BRINP2: variants seen among roughly 807,000 people sequenced by gnomAD.
BRINP2 encodes BMP/retinoic acid inducible neural specific 2.
Under a neutral mutation model 69.2 loss-of-function variants are expected in BRINP2, and 21 were observed. The ratio of observed to expected loss-of-function variants is 0.30; its 90% confidence interval spans 0.22 to 0.44. The LOEUF (loss-of-function observed/expected upper bound fraction) is 0.44. Ranked by LOEUF, BRINP2 falls within the 20% of genes least tolerant of loss-of-function variation. The pLI, the probability that BRINP2 is intolerant of heterozygous loss-of-function variation, is 1.00. For synonymous variants in BRINP2, 380 were observed against 394.1 expected (o/e 0.96, Z 0.42); for missense variants, 877 against 986.0 (o/e 0.89, Z 1.48).
intron 2 of BRINP2, among the ~76,000 whole-genome samples, chr1:177,247,348 C>T (rs1650418247): frequency 6.6e-6 from 1 of 152,214 alleles, no homozygotes; most frequent in Admixed American, 6.5e-5. Flanking sequence ...AGAACAAAGA[C>T]AGTTGAACTT....
chr1:177,264,473 G>A (rs771383898), intron 4 of BRINP2, among the ~76,000 whole-genome samples: 2 of 152,174 alleles, frequency 1.3e-5, no homozygotes, highest in Non-Finnish European at 2.9e-5. Flanking sequence ...TAAGGCAAGG[G>A]AAAGAAATAA....
intron 1 of BRINP2, among the ~76,000 whole-genome samples, chr1:177,209,431 C>T (rs1021153031): frequency 1.3e-5 from 2 of 152,090 alleles, no homozygotes; most frequent in Non-Finnish European, 2.9e-5. Flanking sequence ...GAATCACCAG[C>T]ACCAGTTCCA....
At chr1:177,267,814 T>C (rs1651175231) in intron 4 of BRINP2, among the ~76,000 whole-genome samples, 1 of 152,174 alleles carries the variant, frequency 6.6e-6, no homozygotes, top group Non-Finnish European at 1.5e-5. Context: ...TAATGCACTT[T>C]CCAGAATTAG....
intron 2 of BRINP2, among the ~76,000 whole-genome samples, chr1:177,249,716 GA>G (rs1490131154): frequency 6.6e-6 from 1 of 152,150 alleles, no homozygotes; most frequent in African/African-American, 2.4e-5. Context: ...TTACTGGGGG[GA>G]AAAGCTGCTA....
chr1:177,212,567 G>T lies in BRINP2; in HGVS notation c.-76-17234G>T, dbSNP rs180765531. On this transcript the variant is annotated intron_variant, in intron 1 of 7. Coordinates refer to ENST00000361539, the MANE Select transcript of BRINP2 (RefSeq NM_021165.4). The stretch of plus-strand genomic sequence containing the variant: ...CTCAAAAAAAAAAAAAAATTTATTG[G>T]TGTGCTGGAGTTGGTTTCACACTAG... 1.7e-3 allele frequency among the ~76,000 whole-genome samples: 258 copies of T among 152,138 alleles called. 1 individual carries two copies. Among genetic ancestry groups the T allele is most frequent in the Admixed American group, 2.8e-3 (43 of 15,280 alleles).
chr1:177,220,447 C>T (rs1019580263), intron 1 of BRINP2, among the ~76,000 whole-genome samples: 4 of 152,062 alleles, frequency 2.6e-5, no homozygotes, highest in Non-Finnish European at 5.9e-5. Context: ...CCCCACCTCT[C>T]TCTCTCTCTC....
intron 1 of BRINP2, among the ~76,000 whole-genome samples, chr1:177,182,636 G>T (rs1469481586): frequency 6.6e-6 from 1 of 152,182 alleles, no homozygotes; most frequent in Non-Finnish European, 1.5e-5. Flanking sequence ...GCAATATCAT[G>T]TCTTTAGAAG....
chr1:177,259,807 T>G (rs1390074052), intron 4 of BRINP2, among the ~76,000 whole-genome samples: 10 of 152,114 alleles, frequency 6.6e-5, no homozygotes, highest in Non-Finnish European at 1.5e-5. Flanking sequence ...GACCTACTAC[T>G]CAGAAAAAAA....
intron 2 of BRINP2, among the ~76,000 whole-genome samples, chr1:177,231,897 C>G (rs1209978751): frequency 6.6e-6 from 1 of 151,610 alleles, no homozygotes; most frequent in Non-Finnish European, 1.5e-5. Context: ...CAGTAAACAC[C>G]TAAGAATCTC....
At chr1:177,256,560 T>A (rs1650765319) in intron 3 of BRINP2, 5 of 985,324 alleles carry the variant, frequency 5.1e-6, no homozygotes, top group Non-Finnish European at 4.8e-6. Context: ...TCTGGGCTGA[T>A]GAATCATCCT....
chr1:177,281,687 A>AG lies in BRINP2; in HGVS notation c.*160dup, dbSNP rs1340098826. ...AGGCTCGAGCTGAAGCAGGCGAGAG[A>AG]GAAACAGCTACTGCGTGCGTGCGCG... On this transcript the variant is annotated 3_prime_UTR_variant, in exon 8 of 8. Transcript: ENST00000361539. 23 of 933,854 alleles carry AG rather than the reference A, an allele frequency of 2.5e-5. No individual in the cohort carries two copies. Among genetic ancestry groups the AG allele is most frequent in the Admixed American group, 1.4e-4 (5 of 36,800 alleles). 57.8% of individuals were successfully genotyped at this position (933,854 alleles called of 1,614,324 possible).
At chr1:177,222,118 T>G (rs1649555759) in intron 1 of BRINP2, among the ~76,000 whole-genome samples, 1 of 152,212 alleles carries the variant, frequency 6.6e-6, no homozygotes, top group Admixed American at 6.5e-5. Flanking sequence ...GAAACGCCTT[T>G]TAACAGAAAT....
At chr1:177,218,435 T>A (rs1394038491) in intron 1 of BRINP2, among the ~76,000 whole-genome samples, 1 of 152,102 alleles carries the variant, frequency 6.6e-6, no homozygotes, top group Non-Finnish European at 1.5e-5. Flanking sequence ...TGCACTGAGC[T>A]TTTACCAAAA....
chr1:177,251,413 A>G (rs1483217419), intron 2 of BRINP2, among the ~76,000 whole-genome samples: 1 of 152,260 alleles, frequency 6.6e-6, no homozygotes, highest in African/African-American at 2.4e-5. Flanking sequence ...AATGAAATAC[A>G]CTTAACATTT....
chr1:177,232,897 A>T (rs1005848766), intron 2 of BRINP2, among the ~76,000 whole-genome samples: 9 of 152,188 alleles, frequency 5.9e-5, no homozygotes, highest in Non-Finnish European at 1.3e-4. Context: ...CATGGAAATC[A>T]GATAGTAGCC....
At chr1:177,238,969 G>A (rs1337523447) in intron 2 of BRINP2, among the ~76,000 whole-genome samples, 1 of 152,100 alleles carries the variant, frequency 6.6e-6, no homozygotes, top group African/African-American at 2.4e-5. Flanking sequence ...AGTTTTAGAG[G>A]GTGTCACATA....
At chr1:177,243,428 G>A (rs1214590560) in intron 2 of BRINP2, among the ~76,000 whole-genome samples, 3 of 152,210 alleles carry the variant, frequency 2.0e-5, no homozygotes, top group African/African-American at 7.2e-5. Context: ...AAAAGACAAG[G>A]CCTCAAGACC....
intron 1 of BRINP2, among the ~76,000 whole-genome samples, chr1:177,186,795 T>C (rs1257280305): frequency 6.6e-6 from 1 of 152,220 alleles, no homozygotes; most frequent in Non-Finnish European, 1.5e-5. Context: ...CTTTGCATCT[T>C]GTTCATTAAC....
intron 2 of BRINP2, among the ~76,000 whole-genome samples, chr1:177,245,448 A>G (rs986063615): frequency 6.6e-6 from 1 of 152,240 alleles, no homozygotes; most frequent in Non-Finnish European, 1.5e-5. Context: ...AACTTGTAGA[A>G]TAATGGAAGG....
Sources: gnomAD v4.1 joint callset for allele counts (sites outside exome capture counted in the v4.1 genomes callset) on GRCh38, gnomAD v4.1.1 for gene constraint, MANE v1.5 for transcripts, NCBI Gene and HGNC (gene_info 2026-07-23, HGNC 2026-07-21) for gene names.